GPR83: variants seen among roughly 807,000 people sequenced by gnomAD.
GPR83 encodes G protein-coupled receptor 83.
GPR83 carries 23 observed loss-of-function variants against 28.0 expected under a neutral mutation model. The observed-to-expected ratio is 0.82, with a 90% CI of 0.59 to 1.16. The LOEUF is 1.16. GPR83 is among the 50% of genes most tolerant of loss of function. GPR83 has a pLI of 0.00. For synonymous variants in GPR83, 234 were observed against 215.4 expected (o/e 1.09, Z -0.76); for missense variants, 610 against 536.6 (o/e 1.14, Z -1.35).
chr11:94,382,678 T>C (rs1944705686), intron 3 of GPR83, among the ~76,000 whole-genome samples: 1 of 152,126 alleles, frequency 6.6e-6, no homozygotes, highest in Admixed American at 6.6e-5. Flanking sequence ...CTCGACCAAA[T>C]GGACCTAATA....
At position 94,379,787 on chromosome 11, in the gene GPR83, A is replaced by C. The variant is rs6483333; in HGVS notation, c.*362T>G. On this transcript the variant is annotated 3_prime_UTR_variant, in exon 4 of 4. Transcript: ENST00000243673. The stretch of plus-strand genomic sequence containing the variant: ...CCAAAGTATGATTTAGGTCTCCCTT[A>C]GGGATGCTCAGCAGTAGGAAGGGCT... The C allele has an allele frequency of 0.97, 163,870 of 168,572 alleles. 79,816 individuals are homozygous for C. Among genetic ancestry groups the C allele is most frequent in the South Asian group, 1 (5,175 of 5,176 alleles). 10.4% of individuals were successfully genotyped at this position (168,572 alleles called of 1,614,324 possible). A position where few individuals can be genotyped will look rare whatever the true frequency, so the allele number is the denominator to read the frequency against.
In GPR83 at chr11:94,380,080, T is replaced by G; in HGVS notation, c.*69A>C. 415 of 1,249,576 alleles carry G rather than the reference T, an allele frequency of 3.3e-4. No homozygotes were observed. Among genetic ancestry groups the G allele is most frequent in the Non-Finnish European group, 4.2e-4 (380 of 908,508 alleles). 77.4% of individuals were successfully genotyped at this position (1,249,576 alleles called of 1,614,324 possible). A position where few individuals can be genotyped will look rare whatever the true frequency, so the allele number is the denominator to read the frequency against. On this transcript the variant is annotated 3_prime_UTR_variant, in exon 4 of 4. Transcript: ENST00000243673. ...TTTCCAGCACTCTGAAGATCATGTG[T>G]GAGAATAGGCTCTCTTTCCCTGCCT...
rs983359268 is a variant in GPR83, at chr11:94,378,307, T to C, written c.*1842A>G. The C allele has an allele frequency of 2.0e-5, 3 of 152,260 alleles. No individual in the cohort carries two copies. Among genetic ancestry groups the C allele is most frequent in the African/African-American group, 4.8e-5 (2 of 41,474 alleles). The allele number at this position is 152,260 out of a possible 1,614,324, so 9.4% of individuals were successfully genotyped here. A position where few individuals can be genotyped will look rare whatever the true frequency, so the allele number is the denominator to read the frequency against. Reference sequence around the variant, plus strand: ...TCAGTTAACAGCCAAGAGGTCTAAGTGACAAACTCTTTCTCCCTCAAACCT... The same window carrying C: ...TCAGTTAACAGCCAAGAGGTCTAAGCGACAAACTCTTTCTCCCTCAAACCT... On this transcript the variant is annotated 3_prime_UTR_variant, in exon 4 of 4. Transcript: ENST00000243673.
intron 3 of GPR83, among the ~76,000 whole-genome samples, chr11:94,390,349 A>T (rs1311324399): frequency 6.6e-6 from 1 of 152,128 alleles, no homozygotes; most frequent in Non-Finnish European, 1.5e-5. Flanking sequence ...ATTTATGACA[A>T]ACCCATAGCC....
At chr11:94,385,593 T>G (rs1944745908) in intron 3 of GPR83, among the ~76,000 whole-genome samples, 1 of 152,144 alleles carries the variant, frequency 6.6e-6, no homozygotes, top group Admixed American at 6.5e-5. Flanking sequence ...GAAGAAAGGG[T>G]ATCAGTGATG....
At chr11:94,394,234 G>T (rs1268146318) in intron 2 of GPR83, among the ~76,000 whole-genome samples, 1 of 152,100 alleles carries the variant, frequency 6.6e-6, no homozygotes, top group Non-Finnish European at 1.5e-5. Flanking sequence ...ACTCTGAGAG[G>T]GTCTGAGCTG....
chr11:94,387,962 A>C (rs1460379406), intron 3 of GPR83, among the ~76,000 whole-genome samples: 6 of 152,174 alleles, frequency 3.9e-5, no homozygotes, highest in African/African-American at 1.4e-4. Context: ...AACACATCAA[A>C]AAGCTTATCC....
intron 2 of GPR83, among the ~76,000 whole-genome samples, chr11:94,394,778 G>A (rs78769228): frequency 0.022 from 3,413 of 152,256 alleles, 141 homozygotes; most frequent in African/African-American, 0.079. Context: ...GCAGCCTGGG[G>A]CAGAGGCTCC....
Position 94,379,566 on chromosome 11 carries a change from C to T in GPR83, c.*583G>A, listed in dbSNP as rs1302798486. The stretch of plus-strand genomic sequence containing the variant: ...TTTTTCTAAGTGGCAATAATAATTT[C>T]CCTTTGTTTTAAGGAACCCAAGTTG... On this transcript the variant is annotated 3_prime_UTR_variant, in exon 4 of 4. Coordinates refer to ENST00000243673, the MANE Select transcript of GPR83 (RefSeq NM_016540.4). 6.6e-6 allele frequency: 1 copy of T among 152,046 alleles called. No homozygotes were observed. Among genetic ancestry groups the T allele is most frequent in the Non-Finnish European group, 1.5e-5 (1 of 68,056 alleles). 9.4% of individuals were successfully genotyped at this position (152,046 alleles called of 1,614,324 possible).
At chr11:94,386,622 G>C (rs1944759347) in intron 3 of GPR83, among the ~76,000 whole-genome samples, 1 of 152,158 alleles carries the variant, frequency 6.6e-6, no homozygotes, top group Non-Finnish European at 1.5e-5. Flanking sequence ...AAAAAGAAGA[G>C]CTAACTATCC....
Position 94,379,936 on chromosome 11 carries a change from T to A in GPR83, c.*213A>T. The A allele has an allele frequency of 2.5e-6, 1 of 401,336 alleles. No individual in the cohort carries two copies. Among genetic ancestry groups the A allele is most frequent in the Admixed American group, 3.9e-5 (1 of 25,334 alleles). 24.9% of individuals were successfully genotyped at this position (401,336 alleles called of 1,614,324 possible). ...GCTGTGCCTCCCAGTGTTTCTTAGA[T>A]GGGAATTTATGAACACATGTCTAGT... On this transcript the variant is annotated 3_prime_UTR_variant, in exon 4 of 4. Transcript: ENST00000243673.
At chr11:94,400,154 C>T (rs914930589) in intron 1 of GPR83, among the ~76,000 whole-genome samples, 11 of 152,168 alleles carry the variant, frequency 7.2e-5, no homozygotes, top group East Asian at 3.8e-4. Context: ...CCCATGGGTA[C>T]GGCTGGGCAC....
At chr11:94,398,744 A>G (rs1284616463) in intron 1 of GPR83, among the ~76,000 whole-genome samples, 1 of 152,240 alleles carries the variant, frequency 6.6e-6, no homozygotes, top group Non-Finnish European at 1.5e-5. Flanking sequence ...GTTGCCAATC[A>G]GGCAAAGGCA....
intron 3 of GPR83, among the ~76,000 whole-genome samples, chr11:94,386,397 GC>G (rs1389250869): frequency 3.3e-5 from 5 of 152,148 alleles, no homozygotes; most frequent in African/African-American, 1.2e-4. Context: ...AAAAGACACA[GC>G]CTGGCAAATT....
intron 3 of GPR83, among the ~76,000 whole-genome samples, chr11:94,381,582 C>CGT (rs1385798611): frequency 4.5e-4 from 12 of 26,380 alleles, no homozygotes; most frequent in Middle Eastern, 0.025. Flanking sequence ...TGTGTGTGCG[C>CGT]GCGTGCTGCA....
intron 3 of GPR83, among the ~76,000 whole-genome samples, chr11:94,388,106 C>A (rs1944778555): frequency 6.6e-6 from 1 of 152,144 alleles, no homozygotes; most frequent in Admixed American, 6.6e-5. Flanking sequence ...CAGAAAAGGC[C>A]TTTGACAAAA....
chr11:94,381,131 CT>C (rs1944682464), intron 3 of GPR83, among the ~76,000 whole-genome samples: 2 of 152,302 alleles, frequency 1.3e-5, no homozygotes, highest in South Asian at 4.1e-4. Context: ...ATTTCCCATT[CT>C]GCTACTTCCC....
At position 94,400,950 on chromosome 11, in the gene GPR83, G is replaced by A. The variant is rs1944905516; in HGVS notation, c.298C>T (p.Gln100Ter). ...VLVCHVIFKN[Q>*]RMHSATSLFI... ...AGGCTGGTGGCCGAGTGCATTCGCT[G>A]GTTCTTGAAGATGACATGACAGACC... Residue 100 changes from glutamine (Q) to a stop codon, truncating the protein, a stop_gained, in exon 1 of 4, where the codon CAG (glutamine) becomes TAG (stop). Coordinates refer to ENST00000243673, the MANE Select transcript of GPR83 (RefSeq NM_016540.4). LOFTEE classifies it high-confidence loss of function. 4 of 1,614,088 alleles carry A rather than the reference G, an allele frequency of 2.5e-6. No individual in the cohort carries two copies. The East Asian group carries it at 8.9e-5, about 36-fold the overall frequency.
chr11:94,383,499 T>C (rs1415164836), intron 3 of GPR83, among the ~76,000 whole-genome samples: 5 of 151,940 alleles, frequency 3.3e-5, no homozygotes, highest in Non-Finnish European at 7.4e-5. Context: ...GCAGAACTGA[T>C]GGAGATAGAG....
Sources: allele counts gnomAD v4.1 joint callset (sites outside exome capture counted in the v4.1 genomes callset), GRCh38; gene constraint gnomAD v4.1.1; transcripts MANE v1.5; gene names NCBI Gene and HGNC (gene_info 2026-07-23, HGNC 2026-07-21).